ERG: variants seen among roughly 807,000 people sequenced by gnomAD.
The protein encoded by ERG is transcriptional regulator ERG.
ERG carries 9 observed loss-of-function variants against 55.3 expected under a neutral mutation model. That is an observed-to-expected ratio of 0.16 (90% CI 0.10 to 0.28). The LOEUF (loss-of-function observed/expected upper bound fraction) is 0.28, where lower values mean the gene tolerates loss of function less well. Among genes scored for constraint, ERG ranks in the 10% least tolerant of loss-of-function variants. ERG has a pLI of 1.00. For synonymous variants in ERG, 223 were observed against 237.3 expected (o/e 0.94, Z 0.55); for missense variants, 434 against 631.6 (o/e 0.69, Z 3.35).
At chr21:38,571,924 T>C (rs1262620863) in intron 2 of ERG, among the ~76,000 whole-genome samples, 1 of 152,202 alleles carries the variant, frequency 6.6e-6, no homozygotes, top group Non-Finnish European at 1.5e-5. Flanking sequence ...GAATCACACC[T>C]GCAGTGTTAA....
At chr21:38,471,362 G>C (rs1255232230) in intron 1 of ERG, 2 of 92,862 alleles carry the variant, frequency 2.2e-5, no homozygotes, top group Non-Finnish European at 4.9e-5. Context: ...CCTTCAAACT[G>C]TGGTCCAGAT....
At position 38,407,352 on chromosome 21, in the gene ERG, G is replaced by A. The variant is rs536792510; in HGVS notation, c.389-3643C>T. Among the ~76,000 whole-genome samples the A allele has an allele frequency of 2.0e-5, 3 of 152,162 alleles. No individual in the cohort carries two copies. In the South Asian group the frequency reaches 6.2e-4, roughly 32 times the overall value. Reference sequence around the variant, plus strand: ...AATATATTTATTGATATGATAAAATGTTCAAAGTAGATTGCATTTTAAAGT... The same window carrying A: ...AATATATTTATTGATATGATAAAATATTCAAAGTAGATTGCATTTTAAAGT... On this transcript the variant is annotated intron_variant, in intron 3 of 9. Coordinates refer to ENST00000288319, the MANE Select transcript of ERG (RefSeq NM_182918.4).
intron 1 of ERG, among the ~76,000 whole-genome samples, chr21:38,592,571 CTGTGTGTGTGTGTG>C (rs56195027): frequency 1.3e-4 from 19 of 148,098 alleles, no homozygotes; most frequent in African/African-American, 4.0e-4. Context: ...TCTCCCTTCA[CTGTGTGTGTGTGTG>C]TGTGTGTGTG....
At chr21:38,645,076 T>C (rs536976064) in intron 1 of ERG, among the ~76,000 whole-genome samples, 4 of 152,212 alleles carry the variant, frequency 2.6e-5, no homozygotes, top group Admixed American at 2.0e-4. Flanking sequence ...GGAGGATCAT[T>C]TGAGTGTGGG....
In ERG at chr21:38,653,361, C is replaced by A. The variant is rs114258130; in HGVS notation, c.-150+8297G>T. On this transcript the variant is annotated intron_variant, in intron 1 of 10. Coordinates refer to the ERG transcript ENST00000398910. ...CGTGCCTTTCCCAGGATCCGGAGCA[C>A]CCCCTCTGTGGATGGAGTCCTGTAT... 4.9e-3 allele frequency among the ~76,000 whole-genome samples: 743 copies of A among 152,266 alleles called. 9 individuals are homozygous for A. The highest frequency in any genetic ancestry group is 0.017 in the African/African-American group (705 of 41,552).
At chr21:38,575,152 C>G (rs2059987082) in intron 2 of ERG, among the ~76,000 whole-genome samples, 1 of 152,152 alleles carries the variant, frequency 6.6e-6, no homozygotes, top group Non-Finnish European at 1.5e-5. Flanking sequence ...TCGGCGAGCC[C>G]AGATAAAACA....
intron 1 of ERG, among the ~76,000 whole-genome samples, chr21:38,452,635 C>T (rs183530012): frequency 5.6e-4 from 85 of 152,318 alleles, no homozygotes; most frequent in Middle Eastern, 6.8e-3. Context: ...TACAGAGAAC[C>T]TGGCTTCTTC....
intron 1 of ERG, among the ~76,000 whole-genome samples, chr21:38,485,690 C>T (rs1175789000): frequency 2.6e-5 from 4 of 151,652 alleles, no homozygotes; most frequent in Non-Finnish European, 5.9e-5. Context: ...GATCTCCTGA[C>T]CTCGTGATCC....
intron 2 of ERG, among the ~76,000 whole-genome samples, chr21:38,567,728 A>G (rs2059931610): frequency 6.6e-6 from 1 of 152,230 alleles, no homozygotes; most frequent in Non-Finnish European, 1.5e-5. Context: ...TGGGGGCTCC[A>G]TCGTGAAATC....
intron 2 of ERG, among the ~76,000 whole-genome samples, chr21:38,437,740 C>T (rs895255974): frequency 1.3e-5 from 2 of 152,162 alleles, no homozygotes; most frequent in Non-Finnish European, 2.9e-5. Context: ...AACCCATCAG[C>T]AAAGCACGTT....
chr21:38,603,971 G>A (rs1046438442), intron 1 of ERG, among the ~76,000 whole-genome samples: 7 of 151,642 alleles, frequency 4.6e-5, no homozygotes, highest in African/African-American at 7.3e-5. Flanking sequence ...AGTTTTGGCC[G>A]GGCGCGGTGG....
chr21:38,456,441 A>T (rs186471438), intron 1 of ERG, among the ~76,000 whole-genome samples: 23 of 152,328 alleles, frequency 1.5e-4, no homozygotes, highest in East Asian at 7.7e-4. Flanking sequence ...AATAAATAAA[A>T]AAATTTAAAA....
At chr21:38,620,511 T>C (rs1221638984) in intron 1 of ERG, among the ~76,000 whole-genome samples, 2 of 152,376 alleles carry the variant, frequency 1.3e-5, no homozygotes, top group East Asian at 3.9e-4. Flanking sequence ...TACTTACTTT[T>C]ACAGGTTACA....
Position 38,613,458 on chromosome 21 carries a change from C to T in ERG, c.-149-28513G>A, listed in dbSNP as rs141739379. Among the ~76,000 whole-genome samples, 669 of 152,350 alleles carry T rather than the reference C, an allele frequency of 4.4e-3. 1 individual carries two copies. Among genetic ancestry groups the T allele is most frequent in the Non-Finnish European group, 7.6e-3 (519 of 68,028 alleles). ...AAAGCAGTCCTTATAGAAATCATGA[C>T]GTTCTTTTCCTTTGTTTGCAGTAGG... On this transcript the variant is annotated intron_variant, in intron 1 of 10. Transcript: ENST00000398910.
chr21:38,475,688 A>G (rs2059180837), intron 1 of ERG, among the ~76,000 whole-genome samples: 1 of 152,072 alleles, frequency 6.6e-6, no homozygotes, highest in African/African-American at 2.4e-5. Flanking sequence ...ACCTGGCTCT[A>G]TCATGTTCCC....
At chr21:38,649,437 G>A (rs1297284978) in intron 1 of ERG, among the ~76,000 whole-genome samples, 5 of 152,184 alleles carry the variant, frequency 3.3e-5, no homozygotes, top group East Asian at 1.9e-4. Flanking sequence ...GGGATGACAC[G>A]CTTTTTCCGA....
intron 1 of ERG, among the ~76,000 whole-genome samples, chr21:38,450,069 A>G (rs577635852): frequency 6.6e-6 from 1 of 152,056 alleles, no homozygotes; most frequent in African/African-American, 2.4e-5. Flanking sequence ...TGGAACAAGA[A>G]TTGTATGATC....
chr21:38,573,703 T>G (rs2059977055), intron 2 of ERG, among the ~76,000 whole-genome samples: 1 of 152,240 alleles, frequency 6.6e-6, no homozygotes, highest in South Asian at 2.1e-4. Flanking sequence ...TAATAATCAA[T>G]TAAAACTGAG....
intron 3 of ERG, among the ~76,000 whole-genome samples, chr21:38,415,413 C>G (rs1436920802): frequency 1.3e-5 from 2 of 152,056 alleles, no homozygotes; most frequent in South Asian, 2.1e-4. Context: ...CACATTTAAC[C>G]CAATGGTGGT....
Sources: allele counts gnomAD v4.1 joint callset (sites outside exome capture counted in the v4.1 genomes callset), GRCh38; gene constraint gnomAD v4.1.1; transcripts MANE v1.5; gene names NCBI Gene and HGNC (gene_info 2026-07-23, HGNC 2026-07-21).